GRIK4: variants seen among roughly 807,000 people sequenced by gnomAD.
The protein encoded by GRIK4 is glutamate receptor ionotropic, kainate 4.
A neutral mutation model predicts 104.9 loss-of-function variants in GRIK4; 40 were observed. That is an observed-to-expected ratio of 0.38 (90% CI 0.30 to 0.50). GRIK4 has a LOEUF of 0.50. Ranked by LOEUF, GRIK4 falls within the 20% of genes least tolerant of loss-of-function variation. The pLI is 0.93. For missense variants in GRIK4, 1,047 were observed against 1,308.1 expected, an observed-to-expected ratio of 0.80 and a Z score of 3.08; for synonymous variants, 485 against 524.9, an observed-to-expected ratio of 0.92 and a Z score of 1.04.
chr11:120,669,929 T>G (rs1949986621), intron 3 of GRIK4, among the ~76,000 whole-genome samples: 1 of 152,252 alleles, frequency 6.6e-6, no homozygotes, highest in African/African-American at 2.4e-5. Flanking sequence ...CCCACTGGGA[T>G]GTCTAACAGA....
intron 14 of GRIK4, among the ~76,000 whole-genome samples, chr11:120,949,473 G>C (rs1205487505): frequency 6.6e-6 from 1 of 152,218 alleles, no homozygotes; most frequent in Non-Finnish European, 1.5e-5. Context: ...CTTCCAAAGT[G>C]ATTGTATTCA....
At chr11:120,625,151 T>C (rs1315612766) in intron 1 of GRIK4, among the ~76,000 whole-genome samples, 1 of 152,168 alleles carries the variant, frequency 6.6e-6, no homozygotes, top group Non-Finnish European at 1.5e-5. Flanking sequence ...GGCATGCACC[T>C]GTAGTCCCAG....
chr11:120,918,249 T>G (rs1327060021), intron 13 of GRIK4, among the ~76,000 whole-genome samples: 1 of 152,124 alleles, frequency 6.6e-6, no homozygotes, highest in African/African-American at 2.4e-5. Flanking sequence ...GTCTCTGAGC[T>G]TGCCAAACTG....
intron 2 of GRIK4, among the ~76,000 whole-genome samples, chr11:120,658,727 CTTTTTTTTTTTTTTTTTTTTTTTTTT>C (rs71050753): frequency 5.3e-5 from 3 of 56,694 alleles, no homozygotes; most frequent in Non-Finnish European, 7.7e-5. Context: ...GAGGACGAAA[CTTTTTTTTTTTTTTTTTTTTTTTTTT>C]TTTTTTTTTT....
chr11:120,755,415 G>T (rs946344831), intron 3 of GRIK4, among the ~76,000 whole-genome samples: 4 of 152,096 alleles, frequency 2.6e-5, no homozygotes, highest in African/African-American at 9.7e-5. Context: ...AGATGAGCCT[G>T]GGCAACCTAG....
chr11:120,707,627 T>C (rs1192834968), intron 3 of GRIK4, among the ~76,000 whole-genome samples: 1 of 152,220 alleles, frequency 6.6e-6, no homozygotes, highest in Non-Finnish European at 1.5e-5. Flanking sequence ...TGATTTAGCT[T>C]ACAAATCTTT....
chr11:120,512,214 C>T (rs983807740), intron 1 of GRIK4, among the ~76,000 whole-genome samples: 5 of 151,914 alleles, frequency 3.3e-5, no homozygotes, highest in Non-Finnish European at 7.4e-5. Context: ...TCCCCGGGCT[C>T]GCGGTCCTCC....
chr11:120,685,967 T>C (rs1365916910), intron 3 of GRIK4, among the ~76,000 whole-genome samples: 4 of 152,122 alleles, frequency 2.6e-5, no homozygotes, highest in African/African-American at 9.7e-5. Flanking sequence ...GTGCGCAGAG[T>C]TCAACATGTG....
At chr11:120,646,950 CA>C (rs1189960451) in intron 1 of GRIK4, among the ~76,000 whole-genome samples, 2 of 152,164 alleles carry the variant, frequency 1.3e-5, no homozygotes, top group African/African-American at 2.4e-5. Flanking sequence ...AAGTAAGGCA[CA>C]GAGAGATTCA....
At chr11:120,665,745 C>T (rs1470509975) in intron 3 of GRIK4, among the ~76,000 whole-genome samples, 6 of 152,176 alleles carry the variant, frequency 3.9e-5, no homozygotes, top group Non-Finnish European at 5.9e-5. Flanking sequence ...AAAGTCTGCG[C>T]GTGTGTCTGC....
chr11:120,954,821 ACACACACACAAAC>A (rs1565460407), intron 15 of GRIK4, among the ~76,000 whole-genome samples: 21 of 63,774 alleles, frequency 3.3e-4, no homozygotes, highest in African/African-American at 1.7e-3. Flanking sequence ...ACACACACAC[ACACACACACAAAC>A]AATACTGGAG....
intron 18 of GRIK4, among the ~76,000 whole-genome samples, chr11:120,965,425 T>TAA (rs1369231474): frequency 6.6e-6 from 1 of 152,196 alleles, no homozygotes; most frequent in Non-Finnish European, 1.5e-5. Context: ...AATAAGTACT[T>TAA]ACTGTACTTG....
chr11:120,607,087 G>A (rs1948972013), intron 1 of GRIK4, among the ~76,000 whole-genome samples: 1 of 152,196 alleles, frequency 6.6e-6, no homozygotes, highest in African/African-American at 2.4e-5. Context: ...GTTTGGAGCA[G>A]GGCAAGACCA....
chr11:120,602,717 A>T (rs1255515753), intron 1 of GRIK4, among the ~76,000 whole-genome samples: 1 of 152,028 alleles, frequency 6.6e-6, no homozygotes, highest in Admixed American at 6.6e-5. Flanking sequence ...TCTTATTAGC[A>T]TTTGAAACAG....
chr11:120,614,770 C>T (rs190464603), intron 1 of GRIK4, among the ~76,000 whole-genome samples: 7 of 152,226 alleles, frequency 4.6e-5, no homozygotes, highest in African/African-American at 1.7e-4. Context: ...GAGGCCAAGG[C>T]GGGTGGATCA....
At chr11:120,799,596 C>T (rs949565002) in intron 3 of GRIK4, among the ~76,000 whole-genome samples, 20 of 152,322 alleles carry the variant, frequency 1.3e-4, no homozygotes, top group South Asian at 4.1e-4. Flanking sequence ...CCTGTGAGAA[C>T]GGGCAGATCA....
intron 1 of GRIK4, among the ~76,000 whole-genome samples, chr11:120,649,634 C>T (rs1407333576): frequency 6.6e-6 from 1 of 152,180 alleles, no homozygotes; most frequent in Non-Finnish European, 1.5e-5. Context: ...ACCCATCCCA[C>T]CCTCTTCTCC....
intron 8 of GRIK4, among the ~76,000 whole-genome samples, chr11:120,855,786 C>T (rs1228433564): frequency 1.3e-5 from 2 of 152,264 alleles, no homozygotes; most frequent in Admixed American, 6.5e-5. Flanking sequence ...TGGTCCCGGA[C>T]TCCTGACTCC....
intron 9 of GRIK4, 33 bp downstream of exon 9, chr11:120,862,153 C>A: frequency 6.3e-7 from 1 of 1,599,250 alleles, no homozygotes; most frequent in South Asian, 1.1e-5. Flanking sequence ...CCTGGTGCCC[C>A]TTGGCCTCTG....
Sources: allele counts gnomAD v4.1 joint callset (sites outside exome capture counted in the v4.1 genomes callset), GRCh38; gene constraint gnomAD v4.1.1; transcripts MANE v1.5; gene names NCBI Gene and HGNC (gene_info 2026-07-23, HGNC 2026-07-21).